The following BCHE variants were observed in gnomAD, a reference collection of about 807,000 sequenced individuals.
The protein encoded by BCHE is cholinesterase.
A neutral mutation model predicts 51.3 loss-of-function variants in BCHE; 48 were observed. The ratio of observed to expected loss-of-function variants is 0.94; its 90% CI spans 0.74 to 1.19. The LOEUF (loss-of-function observed/expected upper bound fraction) is 1.19, where lower values mean the gene tolerates loss of function less well. BCHE is among the 50% of genes most tolerant of loss of function. BCHE has a pLI of 0.00. For missense variants in BCHE, 847 were observed against 708.2 expected (o/e 1.20, Z -2.23); for synonymous variants, 251 against 238.0 (o/e 1.05, Z -0.50).
chr3:165,810,580 G>T (rs563713003), intron 2 of BCHE, among the ~76,000 whole-genome samples: 1 of 152,092 alleles, frequency 6.6e-6, no homozygotes, highest in Non-Finnish European at 1.5e-5. Context: ...ATCTACTAAA[G>T]GCATGACAAA....
intron 2 of BCHE, among the ~76,000 whole-genome samples, chr3:165,796,622 T>C (rs552405720): frequency 1.3e-5 from 2 of 152,338 alleles, no homozygotes; most frequent in Admixed American, 1.3e-4. Context: ...GTTTTTTTAA[T>C]CCTAAATTTC....
At chr3:165,792,260 C>G (rs540610609) in intron 2 of BCHE, among the ~76,000 whole-genome samples, 1 of 151,898 alleles carries the variant, frequency 6.6e-6, no homozygotes, top group East Asian at 1.9e-4. Flanking sequence ...TTCAAGGAAA[C>G]TTCAAATTCA....
chr3:165,825,049 A>G (rs1044097644), intron 2 of BCHE, among the ~76,000 whole-genome samples: 1 of 152,006 alleles, frequency 6.6e-6, no homozygotes, highest in African/African-American at 2.4e-5. Context: ...TTGTGAAAAC[A>G]TAGTGTACTC....
Position 165,805,279 on chromosome 3 carries a change from A to G in BCHE, c.1518-18968T>C, listed in dbSNP as rs143706243. On this transcript the variant is annotated intron_variant, in intron 2 of 3. Coordinates refer to ENST00000264381, the MANE Select transcript of BCHE (RefSeq NM_000055.4). ...CCATCACTTGAGAAGGGTGAAGATG[A>G]AGTAGAATCTTCACGATCAGTCAGG... Among the ~76,000 whole-genome samples, 538 of 152,292 alleles carry G rather than the reference A, an allele frequency of 3.5e-3. 18 individuals carry two copies. Among genetic ancestry groups the G allele is most frequent in the Admixed American group, 0.033 (509 of 15,294 alleles).
intron 2 of BCHE, among the ~76,000 whole-genome samples, chr3:165,817,250 C>T (rs1714346782): frequency 6.6e-6 from 1 of 151,946 alleles, no homozygotes; most frequent in Admixed American, 6.6e-5. Flanking sequence ...TCATTTTTTC[C>T]CACTTTTACC....
At chr3:165,796,478 G>A (rs187633917) in intron 2 of BCHE, among the ~76,000 whole-genome samples, 265 of 152,142 alleles carry the variant, frequency 1.7e-3, no homozygotes, top group African/African-American at 6.2e-3. Flanking sequence ...CATATTGTCA[G>A]TCAGTATTGT....
At position 165,829,981 on chromosome 3, in the gene BCHE, T is replaced by C. The variant is rs778225256; in HGVS notation, c.1053A>G (p.Lys351=). ...AGACTAAAAAAGCTGTCCCTTCATC[T>C]TTATTAACACCCACCAAAATCTGGG... is the stretch of plus-strand genomic sequence containing the variant. The part of the protein sequence containing the change: ...KKTQILVGVN[K]DEGTAFLVYG... Residue 351 remains lysine, a synonymous_variant, in exon 2 of 4, where the codon AAA becomes AAG. Coordinates refer to ENST00000264381, the MANE Select transcript of BCHE (RefSeq NM_000055.4). The C allele has an allele frequency of 3.1e-6, 5 of 1,613,830 alleles. No individual in the cohort carries two copies. The South Asian group carries it at 3.3e-5, about 11-fold the overall frequency.
chr3:165,811,866 A>G (rs1714110765), intron 2 of BCHE, among the ~76,000 whole-genome samples: 1 of 152,010 alleles, frequency 6.6e-6, no homozygotes, highest in Admixed American at 6.6e-5. Context: ...TCTAGTAAAA[A>G]GAAATGGGCT....
rs751352739 is a variant in BCHE, at chr3:165,830,619, T to A, written c.415A>T (p.Ile139Leu). 7.4e-6 allele frequency: 12 copies of A among 1,613,976 alleles called. No individual in the cohort carries two copies. Among genetic ancestry groups the A allele is most frequent in the Middle Eastern group, 1.7e-4 (1 of 6,060 alleles). The change falls in exon 2 of 4, where the codon ATA (isoleucine) becomes TTA (leucine). Residue 139 changes from isoleucine to leucine, a missense_variant. By Grantham distance (5) the Ile-to-Leu change is conservative. Coordinates refer to ENST00000264381, the MANE Select transcript of BCHE (RefSeq NM_000055.4). ...APKPKNATVLIWIYGGGFQTG... is the reference protein window; with the variant it reads ...APKPKNATVLLWIYGGGFQTG... ...TGAAAACCACCACCATAAATCCATA[T>A]CAATACAGTGGCATTTTTTGGTTTA...
At chr3:165,813,700 A>G (rs1349655642) in intron 2 of BCHE, among the ~76,000 whole-genome samples, 1 of 151,910 alleles carries the variant, frequency 6.6e-6, no homozygotes, top group Non-Finnish European at 1.5e-5. Flanking sequence ...TTTCAAGGAT[A>G]ACAAAGGACA....
intron 2 of BCHE, among the ~76,000 whole-genome samples, chr3:165,806,557 C>T (rs989011116): frequency 6.6e-6 from 1 of 152,054 alleles, no homozygotes; most frequent in Non-Finnish European, 1.5e-5. Context: ...GTGCCTGGCT[C>T]ACAGTTGGTG....
At position 165,830,479 on chromosome 3, in the gene BCHE, T is replaced by C. The variant is rs988431584; in HGVS notation, c.555A>G (p.Pro185=). Residue 185 remains proline, a synonymous_variant, in exon 2 of 4, where the codon CCA becomes CCG. Coordinates refer to ENST00000264381, the MANE Select transcript of BCHE (RefSeq NM_000055.4). The part of the protein sequence containing the change: ...RVGALGFLAL[P]GNPEAPGNMG... ...TGTTCCCTGGAGCCTCAGGATTTCCTGGCAAAGCTAAGAATCCTAGGGCAC... is the reference window on the plus strand; with the variant it reads ...TGTTCCCTGGAGCCTCAGGATTTCCCGGCAAAGCTAAGAATCCTAGGGCAC... 2 of 1,613,682 alleles carry C rather than the reference T, an allele frequency of 1.2e-6. No individual in the cohort carries two copies. The highest frequency in any genetic ancestry group is 1.3e-5 in the African/African-American group (1 of 74,886).
chr3:165,796,878 A>G (rs1333275157), intron 2 of BCHE, among the ~76,000 whole-genome samples: 2 of 152,094 alleles, frequency 1.3e-5, no homozygotes, highest in Non-Finnish European at 2.9e-5. Context: ...CACACAAAAG[A>G]TCTCTAAGAT....
At chr3:165,795,863 TG>T (rs1406360049) in intron 2 of BCHE, among the ~76,000 whole-genome samples, 2 of 152,054 alleles carry the variant, frequency 1.3e-5, no homozygotes, top group African/African-American at 2.4e-5. Context: ...ATTCCTGACT[TG>T]TGGATTGGAA....
chr3:165,834,747 G>C (rs1226327716), intron 1 of BCHE, among the ~76,000 whole-genome samples: 1 of 151,720 alleles, frequency 6.6e-6, no homozygotes, highest in East Asian at 1.9e-4. Flanking sequence ...TTTTATTAAT[G>C]ATTAGGATAT....
At chr3:165,814,915 T>A (rs1040485106) in intron 2 of BCHE, among the ~76,000 whole-genome samples, 4 of 149,412 alleles carry the variant, frequency 2.7e-5, no homozygotes, top group Admixed American at 1.3e-4. Context: ...AGTATTATAT[T>A]TATACTAATT....
chr3:165,788,114 GTTTGT>G (rs143708782), intron 2 of BCHE, among the ~76,000 whole-genome samples: 147,716 of 151,242 alleles, frequency 0.98, 72,149 homozygotes, highest in East Asian at 1. Context: ...GCCGATCTAA[GTTTGT>G]TTTGTTTTGT....
At chr3:165,790,979 A>G (rs1388139542) in intron 2 of BCHE, among the ~76,000 whole-genome samples, 2 of 151,972 alleles carry the variant, frequency 1.3e-5, no homozygotes, top group African/African-American at 4.8e-5. Context: ...TAAGAGAGGG[A>G]AGAATTGGAG....
chr3:165,835,090 T>G (rs552073951), intron 1 of BCHE, among the ~76,000 whole-genome samples: 1 of 151,898 alleles, frequency 6.6e-6, no homozygotes, highest in East Asian at 1.9e-4. Context: ...GGAATTTGAG[T>G]TTTTGAGGAA....
Sources: allele counts gnomAD v4.1 joint callset (sites outside exome capture counted in the v4.1 genomes callset), GRCh38; gene constraint gnomAD v4.1.1; transcripts MANE v1.5; gene names NCBI Gene and HGNC (gene_info 2026-07-23, HGNC 2026-07-21).